RFTN1: variants seen among roughly 807,000 people sequenced by gnomAD.
RFTN1 encodes raftlin, lipid raft linker 1.
A neutral mutation model predicts 46.5 loss-of-function variants in RFTN1; 26 were observed. That is an observed-to-expected ratio of 0.56 (90% confidence interval 0.41 to 0.78). The LOEUF (loss-of-function observed/expected upper bound fraction) is 0.78, where lower values mean the gene tolerates loss of function less well. Ranked by LOEUF, RFTN1 falls within the 30% of genes least tolerant of loss-of-function variation. The probability of loss-of-function intolerance (pLI) is 0.00; values close to 1 mark genes in which losing one functional copy is unlikely to be tolerated. For synonymous variants in RFTN1, 261 were observed against 284.2 expected (o/e 0.92, Z 0.82); for missense variants, 693 against 718.7 (o/e 0.96, Z 0.41).
intron 9 of RFTN1, among the ~76,000 whole-genome samples, chr3:16,318,855 C>A (rs1017238499): frequency 1.3e-5 from 2 of 152,184 alleles, no homozygotes; most frequent in African/African-American, 4.8e-5. Flanking sequence ...ATGGGTGGAG[C>A]TTCTTCCACC....
In RFTN1 at chr3:16,428,080, C is replaced by T. The variant is rs1285452946; in HGVS notation, c.332+5771G>A. Among the ~76,000 whole-genome samples the T allele has an allele frequency of 1.3e-5, 2 of 152,178 alleles. No homozygotes were observed. Among genetic ancestry groups the T allele is most frequent in the African/African-American group, 4.8e-5 (2 of 41,438 alleles). ...TTGAGATCTAGGAGCTCCTTAGAGT[C>T]ATCTTTGCATAGTGAAATTACATAT... On this transcript the variant is annotated intron_variant, in intron 3 of 9. Coordinates refer to ENST00000334133, the MANE Select transcript of RFTN1 (RefSeq NM_015150.2). This position sits in a 1 kb window ranked among gnomAD's most constrained non-coding sequence, Gnocchi z 4.7.
chr3:16,341,478 A>G lies in RFTN1; in HGVS notation c.1147-14602T>C, dbSNP rs566053099. Among the ~76,000 whole-genome samples, 6 of 152,364 alleles carry G rather than the reference A, an allele frequency of 3.9e-5. No homozygotes were observed. In the South Asian group the frequency reaches 8.3e-4, roughly 21 times the overall value. On this transcript the variant is annotated intron_variant, in intron 7 of 9. Coordinates refer to ENST00000334133, the MANE Select transcript of RFTN1 (RefSeq NM_015150.2). This position sits in a 1 kb window ranked among gnomAD's most constrained non-coding sequence, Gnocchi z 4.7. ...AAATATTATCCAGCACTAAAAAGCAATGAGCTCTCAAGAGATGGAGGAGCC... is the reference window on the plus strand; with the variant it reads ...AAATATTATCCAGCACTAAAAAGCAGTGAGCTCTCAAGAGATGGAGGAGCC...
chr3:16,492,733 C>T (rs936152401), intron 2 of RFTN1, among the ~76,000 whole-genome samples: 2 of 152,182 alleles, frequency 1.3e-5, no homozygotes, highest in African/African-American at 4.8e-5. Flanking sequence ...ATACTGTTTT[C>T]CAACTTACAA....
At position 16,446,786 on chromosome 3, in the gene RFTN1, C is replaced by T. The variant is rs1338117253; in HGVS notation, c.146-12749G>A. ...AGGGTATGAGCACACTTGAGTTTGGCATCTACACAGGAAACGAGGTCATTT... is the reference window on the plus strand; with the variant it reads ...AGGGTATGAGCACACTTGAGTTTGGTATCTACACAGGAAACGAGGTCATTT... On this transcript the variant is annotated intron_variant, in intron 2 of 9. Coordinates refer to ENST00000334133, the MANE Select transcript of RFTN1 (RefSeq NM_015150.2). This position sits in a 1 kb window ranked among gnomAD's most constrained non-coding sequence, Gnocchi z 4.5. Among the ~76,000 whole-genome samples the T allele has an allele frequency of 6.7e-6, 1 of 149,084 alleles. No homozygotes were observed. Among genetic ancestry groups the T allele is most frequent in the Non-Finnish European group, 1.5e-5 (1 of 66,964 alleles).
intron 6 of RFTN1, among the ~76,000 whole-genome samples, chr3:16,360,139 C>T (rs2072733948): frequency 6.6e-6 from 1 of 151,856 alleles, no homozygotes; most frequent in Non-Finnish European, 1.5e-5. Context: ...CTTTATCTTT[C>T]CATGGCCAGT....
chr3:16,356,163 CAG>C lies in RFTN1; in HGVS notation c.1146+1767_1146+1768del, dbSNP rs1280782000. Among the ~76,000 whole-genome samples, 1 of 152,218 alleles carries C rather than the reference CAG, an allele frequency of 6.6e-6. No individual in the cohort carries two copies. Among genetic ancestry groups the C allele is most frequent in the Non-Finnish European group, 1.5e-5 (1 of 68,044 alleles). ...GCCCAGCTTACAAGTTGAGGAAGGACAGGGTCCTGAGAGGTGACAGGACCTGC... is the reference window on the plus strand; with the variant it reads ...GCCCAGCTTACAAGTTGAGGAAGGACGGTCCTGAGAGGTGACAGGACCTGC... On this transcript the variant is annotated intron_variant, in intron 7 of 9. Coordinates refer to ENST00000334133, the MANE Select transcript of RFTN1 (RefSeq NM_015150.2). This position sits in a 1 kb window ranked among gnomAD's most constrained non-coding sequence, Gnocchi z 4.9.
intron 1 of RFTN1, among the ~76,000 whole-genome samples, chr3:16,511,369 C>G (rs1054764181): frequency 2.0e-5 from 3 of 152,186 alleles, no homozygotes; most frequent in African/African-American, 7.2e-5. Context: ...GTACCAACAT[C>G]TGTAATTTAC....
chr3:16,402,015 C>T lies in RFTN1; in HGVS notation c.441+7360G>A, dbSNP rs2074616271. 6.6e-6 allele frequency among the ~76,000 whole-genome samples: 1 copy of T among 152,160 alleles called. No individual in the cohort carries two copies. The highest frequency in any genetic ancestry group is 2.4e-5 in the African/African-American group (1 of 41,446). The stretch of plus-strand genomic sequence containing the variant: ...TCTGTTCCTGGCTTTCTTGCAAGTC[C>T]CAGCCCAACAACCACAGCTGCCTTC... On this transcript the variant is annotated intron_variant, in intron 4 of 9. Transcript: ENST00000334133. This position sits in a 1 kb window ranked among gnomAD's most constrained non-coding sequence, Gnocchi z 4.5.
At chr3:16,368,182 GC>G (rs1367380641) in intron 6 of RFTN1, among the ~76,000 whole-genome samples, 1 of 152,086 alleles carries the variant, frequency 6.6e-6, no homozygotes, top group Non-Finnish European at 1.5e-5. Context: ...GATATGTCAG[GC>G]TGTAAACATC....
chr3:16,329,518 C>T lies in RFTN1; in HGVS notation c.1147-2642G>A, dbSNP rs550711564. Among the ~76,000 whole-genome samples the T allele has an allele frequency of 2.6e-5, 4 of 152,230 alleles. No individual in the cohort carries two copies. In the East Asian group the frequency reaches 7.7e-4, roughly 29 times the overall value. On this transcript the variant is annotated intron_variant, in intron 7 of 9. Coordinates refer to ENST00000334133, the MANE Select transcript of RFTN1 (RefSeq NM_015150.2). This position sits in a 1 kb window ranked among gnomAD's most constrained non-coding sequence, Gnocchi z 4.5. Reference sequence around the variant, plus strand: ...CCAGAGATGGCCCAGCAGTTGTGACCATCCTTTCTGCCTGGCCTCTGGGCA... The same window carrying T: ...CCAGAGATGGCCCAGCAGTTGTGACTATCCTTTCTGCCTGGCCTCTGGGCA...
intron 6 of RFTN1, among the ~76,000 whole-genome samples, chr3:16,364,475 G>A (rs968809500): frequency 9.2e-5 from 14 of 152,212 alleles, no homozygotes; most frequent in Admixed American, 3.9e-4. Context: ...TTGAGGCACC[G>A]GGGGTAGGTG....
intron 6 of RFTN1, among the ~76,000 whole-genome samples, chr3:16,360,196 G>A (rs966879248): frequency 6.6e-6 from 1 of 151,432 alleles, no homozygotes; most frequent in African/African-American, 2.4e-5. Context: ...GTTTGAGGTA[G>A]GGTCTCACTC....
rs574691094 is a variant in RFTN1, at chr3:16,407,457, T to G, written c.441+1918A>C. Among the ~76,000 whole-genome samples, 107 of 152,120 alleles carry G rather than the reference T, an allele frequency of 7.0e-4. No individual in the cohort carries two copies. Among genetic ancestry groups the G allele is most frequent in the African/African-American group, 2.4e-3 (100 of 41,510 alleles). On this transcript the variant is annotated intron_variant, in intron 4 of 9. Transcript: ENST00000334133. This position sits in a 1 kb window ranked among gnomAD's most constrained non-coding sequence, Gnocchi z 4.0. ...ATCCTTTTGCCTCAGCCTCCCAAAG[T>G]GTTGGGATTACCAGCTGAGCCACTG...
In RFTN1 at chr3:16,335,795, A is replaced by AAGGGG. The variant is rs2070788773; in HGVS notation, c.1147-8920_1147-8919insCCCCT. On this transcript the variant is annotated intron_variant, in intron 7 of 9. Transcript: ENST00000334133. The surrounding 1 kb of genome is among the most constrained non-coding windows in gnomAD (Gnocchi z 4.7). The stretch of plus-strand genomic sequence containing the variant: ...GAACTTTAAAAAAAAAAAAAAAAAA[A>AAGGGG]GGAGTTTGATCACACCATCAAATAT... Among the ~76,000 whole-genome samples the AAGGGG allele has an allele frequency of 7.0e-6, 1 of 142,898 alleles. No homozygotes were observed. Among genetic ancestry groups the AAGGGG allele is most frequent in the African/African-American group, 2.8e-5 (1 of 35,194 alleles). The allele number at this position is 142,898 out of a possible 152,430, so 93.7% of individuals were successfully genotyped here.
intron 4 of RFTN1, among the ~76,000 whole-genome samples, chr3:16,403,132 C>G (rs1430570252): frequency 6.6e-6 from 1 of 152,190 alleles, no homozygotes; most frequent in African/African-American, 2.4e-5. Context: ...ACATCTGACC[C>G]CATGTACCCA....
chr3:16,399,156 A>C (rs2074543670), intron 4 of RFTN1, among the ~76,000 whole-genome samples: 1 of 152,200 alleles, frequency 6.6e-6, no homozygotes, highest in African/African-American at 2.4e-5. Flanking sequence ...CATGGGCAAG[A>C]TCTAATTCCC....
In RFTN1 at chr3:16,474,757, C is replaced by A. The variant is rs1183053341; in HGVS notation, c.145+18968G>T. Among the ~76,000 whole-genome samples the A allele has an allele frequency of 6.6e-6, 1 of 152,256 alleles. No individual in the cohort carries two copies. Among genetic ancestry groups the A allele is most frequent in the East Asian group, 1.9e-4 (1 of 5,206 alleles). Reference sequence around the variant, plus strand: ...AAGCACCATTTGTTAGCCCAACATTCCCCATGGAGCCAGTTGGGAGATGAC... The same window carrying A: ...AAGCACCATTTGTTAGCCCAACATTACCCATGGAGCCAGTTGGGAGATGAC... On this transcript the variant is annotated intron_variant, in intron 2 of 9. Transcript: ENST00000334133. This position sits in a 1 kb window ranked among gnomAD's most constrained non-coding sequence, Gnocchi z 5.5.
rs760311098 is a variant in RFTN1, at chr3:16,377,963, C to T, written c.581G>A (p.Arg194His). 1.1e-5 allele frequency: 18 copies of T among 1,614,110 alleles called. No homozygotes were observed. The highest frequency in any genetic ancestry group is 2.7e-5 in the African/African-American group (2 of 74,938). ...TEDARDAKNA[R>H]GDHASLENEK... ...ATTCTCCAGTGACGCGTGATCCCCA[C>T]GTGCGTTTTTTGCATCTCTGGCATC... Residue 194 changes from arginine (R) to histidine (H), a missense_variant, in exon 5 of 10, where the codon CGT (arginine) becomes CAT (histidine). Physicochemically the swap from Arg to His is conservative, Grantham distance 29. Transcript: ENST00000334133.
intron 5 of RFTN1, among the ~76,000 whole-genome samples, chr3:16,372,007 C>T (rs903325812): frequency 7.9e-5 from 12 of 152,128 alleles, no homozygotes; most frequent in African/African-American, 2.9e-4. Context: ...GTTTTCCAGT[C>T]CTGGGTGTCA....
Sources: allele counts gnomAD v4.1 joint callset (sites outside exome capture counted in the v4.1 genomes callset), GRCh38; gene constraint gnomAD v4.1.1; non-coding constraint Gnocchi (gnomAD v3.1); transcripts MANE v1.5; gene names NCBI Gene and HGNC (gene_info 2026-07-23, HGNC 2026-07-21).